PIP4K2B: variants seen among roughly 807,000 people sequenced by gnomAD.
PIP4K2B encodes the protein phosphatidylinositol-5-phosphate 4-kinase type 2 beta.
Under a neutral mutation model 42.0 loss-of-function variants are expected in PIP4K2B, and 3 were observed. That is an observed-to-expected ratio of 0.07 (90% CI 0.03 to 0.18). The LOEUF (loss-of-function observed/expected upper bound fraction) is 0.18, where lower values mean the gene tolerates loss of function less well. Ranked by LOEUF, PIP4K2B falls within the 10% of genes least tolerant of loss-of-function variation. The pLI is 1.00. For missense variants in PIP4K2B, 332 were observed against 562.3 expected (o/e 0.59, Z 4.14); for synonymous variants, 204 against 210.1 (o/e 0.97, Z 0.25).
At position 38,777,670 on chromosome 17, in the gene PIP4K2B, T is replaced by C. The variant is rs760272198; in HGVS notation, c.807+17A>G. 38 of 1,529,848 alleles carry C rather than the reference T, an allele frequency of 2.5e-5. No homozygotes were observed. The South Asian group carries it at 3.8e-4, about 15-fold the overall frequency. 94.8% of individuals were successfully genotyped at this position (1,529,848 alleles called of 1,614,324 possible). A position where few individuals can be genotyped will look rare whatever the true frequency, so the allele number is the denominator to read the frequency against. ...ACAGAAGGAGCCTTGCAGGTGAAAATGAAGGTTAGTAAGTACCTCAACGTC... is the reference window on the plus strand; with the variant it reads ...ACAGAAGGAGCCTTGCAGGTGAAAACGAAGGTTAGTAAGTACCTCAACGTC... On this transcript the variant is annotated intron_variant, in intron 7 of 9. Transcript: ENST00000619039.
At chr17:38,784,380 G>A (rs773973770) in intron 2 of PIP4K2B, 41 bp from the exon 3 acceptor site, 20 of 1,053,152 alleles carry the variant, frequency 1.9e-5, no homozygotes, top group Admixed American at 1.6e-4. Context: ...ACTGCCCCTT[G>A]CTCATCTTAA....
chr17:38,768,209 G>A lies in PIP4K2B; in HGVS notation c.*1482C>T, dbSNP rs1413460057. The A allele has an allele frequency of 8.5e-5, 13 of 152,308 alleles. No homozygotes were observed. The highest frequency in any genetic ancestry group is 8.5e-4 in the Admixed American group (13 of 15,292). The allele number at this position is 152,308 out of a possible 1,614,324, so 9.4% of individuals were successfully genotyped here. A position where few individuals can be genotyped will look rare whatever the true frequency, so the allele number is the denominator to read the frequency against. Reference sequence around the variant, plus strand: ...ATCCCCAGTTCCTGGTTGAGGGGGTGAGAAGATGCAGGAATGTACCTCCCC... The same window carrying A: ...ATCCCCAGTTCCTGGTTGAGGGGGTAAGAAGATGCAGGAATGTACCTCCCC... On this transcript the variant is annotated 3_prime_UTR_variant, in exon 10 of 10. Coordinates refer to ENST00000619039, the MANE Select transcript of PIP4K2B (RefSeq NM_003559.5).
chr17:38,779,184 C>G (rs1417250761), intron 5 of PIP4K2B, among the ~76,000 whole-genome samples, 199 bp downstream of exon 5: 1 of 152,206 alleles, frequency 6.6e-6, no homozygotes, highest in African/African-American at 2.4e-5. Context: ...ACATTTAGGG[C>G]TTAAATAATC....
intron 7 of PIP4K2B, among the ~76,000 whole-genome samples, chr17:38,772,459 GT>G (rs1459521389): frequency 1.3e-5 from 2 of 152,120 alleles, no homozygotes; most frequent in African/African-American, 4.8e-5. Context: ...AGCTGTCTTG[GT>G]TATCAGTTCA....
At chr17:38,787,436 A>T (rs568788387) in intron 1 of PIP4K2B, among the ~76,000 whole-genome samples, 1 of 152,340 alleles carries the variant, frequency 6.6e-6, no homozygotes, top group African/African-American at 2.4e-5. Flanking sequence ...GAAGTTTTCC[A>T]AGATTCTCTA....
intron 3 of PIP4K2B, 110 bp downstream of exon 3, chr17:38,784,133 G>T: frequency 1.5e-6 from 1 of 685,910 alleles, no homozygotes. Context: ...AGGCATGACA[G>T]GGAGACACAG....
chr17:38,771,581 T>C (rs1598042383), intron 7 of PIP4K2B, among the ~76,000 whole-genome samples: 1 of 136,460 alleles, frequency 7.3e-6, no homozygotes, highest in African/African-American at 2.8e-5. Context: ...AGCAAGGAGC[T>C]GTGGGAGTTT....
chr17:38,766,537 G>C lies in PIP4K2B; in HGVS notation c.*3154C>G, dbSNP rs151130606. On this transcript the variant is annotated 3_prime_UTR_variant, in exon 10 of 10. Transcript: ENST00000619039. ...AGGAGTGTAGCCTCACGCCCTGAGC[G>C]CTACCAGCAGGCCTGTTTGAGGCCA... 2 of 152,724 alleles carry C rather than the reference G, an allele frequency of 1.3e-5. No individual in the cohort carries two copies. The highest frequency in any genetic ancestry group is 6.5e-5 in the Admixed American group (1 of 15,282). 9.5% of individuals were successfully genotyped at this position (152,724 alleles called of 1,614,324 possible).
chr17:38,794,219 A>G (rs989409206), intron 1 of PIP4K2B, among the ~76,000 whole-genome samples: 2 of 152,216 alleles, frequency 1.3e-5, no homozygotes, highest in African/African-American at 4.8e-5. Flanking sequence ...GAGATCAGCT[A>G]GTCGCAGAAA....
In PIP4K2B at chr17:38,780,619, A is replaced by G; in HGVS notation, c.355-15T>C. 1 of 1,603,484 alleles carries G rather than the reference A, an allele frequency of 6.2e-7. No individual in the cohort carries two copies. The highest frequency in any genetic ancestry group is 8.5e-7 in the Non-Finnish European group (1 of 1,171,216). ...GTCACTGAATTCTGATAATCGAGACAAAAGAAGGCTGGGCTTGGCAGGGGA... is the reference window on the plus strand; with the variant it reads ...GTCACTGAATTCTGATAATCGAGACGAAAGAAGGCTGGGCTTGGCAGGGGA... On this transcript the variant is annotated splice_polypyrimidine_tract_variant and intron_variant, in intron 3 of 9. Coordinates refer to ENST00000619039, the MANE Select transcript of PIP4K2B (RefSeq NM_003559.5).
Position 38,767,334 on chromosome 17 carries a change from C to T in PIP4K2B, c.*2357G>A, listed in dbSNP as rs1908756287. ...AAATAGCTTTTAAACATTTGAATGC[C>T]AAAAATTGGGGGCCAAACTCAAGGT... On this transcript the variant is annotated 3_prime_UTR_variant, in exon 10 of 10. Coordinates refer to ENST00000619039, the MANE Select transcript of PIP4K2B (RefSeq NM_003559.5). The T allele has an allele frequency of 6.6e-6, 1 of 151,714 alleles. No individual in the cohort carries two copies. The highest frequency in any genetic ancestry group is 6.6e-5 in the Admixed American group (1 of 15,230). 9.4% of individuals were successfully genotyped at this position (151,714 alleles called of 1,614,324 possible). A position where few individuals can be genotyped will look rare whatever the true frequency, so the allele number is the denominator to read the frequency against.
intron 1 of PIP4K2B, among the ~76,000 whole-genome samples, chr17:38,791,516 T>C (rs922281691): frequency 6.8e-6 from 1 of 146,210 alleles, no homozygotes; most frequent in Admixed American, 7.0e-5. Context: ...TTCAAGCAAT[T>C]CTCCTGCCTC....
intron 1 of PIP4K2B, among the ~76,000 whole-genome samples, chr17:38,793,892 AAAC>A (rs1318056669): frequency 6.6e-6 from 1 of 152,082 alleles, no homozygotes; most frequent in Non-Finnish European, 1.5e-5. Context: ...ACAAAAAAAA[AAAC>A]AAGAAAGAAA....
At chr17:38,776,380 G>A (rs1209154033) in intron 7 of PIP4K2B, among the ~76,000 whole-genome samples, 2 of 152,146 alleles carry the variant, frequency 1.3e-5, no homozygotes, top group Non-Finnish European at 2.9e-5. Flanking sequence ...AGTATTTAAT[G>A]GGTATAGAGT....
At chr17:38,788,223 C>CA (rs1382021878) in intron 1 of PIP4K2B, among the ~76,000 whole-genome samples, 6 of 142,542 alleles carry the variant, frequency 4.2e-5, no homozygotes, top group Non-Finnish European at 6.1e-5. Flanking sequence ...TATTTATAGA[C>CA]AGAGTCTCAC....
intron 7 of PIP4K2B, 48 bp downstream of exon 7, chr17:38,777,639 C>G: frequency 8.4e-7 from 1 of 1,194,170 alleles, no homozygotes; most frequent in African/African-American, 1.5e-5. Flanking sequence ...GGCGCCTACT[C>G]TAGGTACAGA....
At chr17:38,797,361 G>A (rs750539688) in intron 1 of PIP4K2B, among the ~76,000 whole-genome samples, 11 of 152,120 alleles carry the variant, frequency 7.2e-5, no homozygotes, top group Non-Finnish European at 1.3e-4. Context: ...ATGCATAGGC[G>A]TATAACCCAG....
intron 2 of PIP4K2B, among the ~76,000 whole-genome samples, 163 bp from the exon 3 acceptor site, chr17:38,784,502 C>T (rs1375007158): frequency 6.6e-6 from 1 of 152,120 alleles, no homozygotes; most frequent in Non-Finnish European, 1.5e-5. Flanking sequence ...TCCCAAAGTG[C>T]TGGGATTACG....
At position 38,777,698 on chromosome 17, in the gene PIP4K2B, G is replaced by A. The variant is rs757392929; in HGVS notation, c.796C>T (p.Arg266Trp). ...SKKNFLEKLK[R>W]DVEFLAQLKI... ...AGGTTAGTAAGTACCTCAACGTCCCGCTTCAGTTTCTCCAGGAAGTTCTTT... is the reference window on the plus strand; with the variant it reads ...AGGTTAGTAAGTACCTCAACGTCCCACTTCAGTTTCTCCAGGAAGTTCTTT... The change falls in exon 7 of 10, where the codon CGG becomes TGG. Residue 266 changes from arginine (R) to tryptophan (W), a missense_variant. Arg to Trp is a moderately radical substitution (Grantham distance 101). Transcript: ENST00000619039. 9 of 1,609,550 alleles carry A rather than the reference G, an allele frequency of 5.6e-6. No individual in the cohort carries two copies. Among genetic ancestry groups the A allele is most frequent in the Admixed American group, 1.7e-5 (1 of 60,000 alleles).
Sources: gnomAD v4.1 joint callset for allele counts (sites outside exome capture counted in the v4.1 genomes callset) on GRCh38, gnomAD v4.1.1 for gene constraint, MANE v1.5 for transcripts, NCBI Gene and HGNC (gene_info 2026-07-23, HGNC 2026-07-21) for gene names.